The following KNL1 variants were observed in gnomAD, a reference collection of about 807,000 sequenced individuals.
KNL1 encodes kinetochore scaffold 1.
A neutral mutation model predicts 201.3 loss-of-function variants in KNL1; 66 were observed. The ratio of observed to expected loss-of-function variants is 0.33; its 90% CI spans 0.27 to 0.40. The LOEUF (loss-of-function observed/expected upper bound fraction) is 0.40, where lower values mean the gene tolerates loss of function less well. Ranked by LOEUF, KNL1 falls within the 10% of genes least tolerant of loss-of-function variation. KNL1 has a pLI of 1.00. For synonymous variants in KNL1, 895 were observed against 899.2 expected, an observed-to-expected ratio of 1.00 and a Z score of 0.08; for missense variants, 2,815 against 2,690.5, an observed-to-expected ratio of 1.05 and a Z score of -1.02.
chr15:40,643,106 AT>A (rs1342099800), intron 14 of KNL1: 11 of 152,218 alleles, frequency 7.2e-5, no homozygotes, highest in African/African-American at 2.7e-4. Context: ...TATTGAGACT[AT>A]CATAACTTTG....
chr15:40,627,947 A>C, intron 10 of KNL1, 123 bp from the exon 11 acceptor site: 1 of 667,152 alleles, frequency 1.5e-6, no homozygotes. Flanking sequence ...CTAATTCTTC[A>C]CTAAGATATT....
At chr15:40,659,894 A>ATGTGTGTG (rs776409302) in intron 25 of KNL1, among the ~76,000 whole-genome samples, 5,467 of 146,844 alleles carry the variant, frequency 0.037, 131 homozygotes, top group South Asian at 0.068. Context: ...TGAAGAATTT[A>ATGTGTGTG]TGTGTGTGTG....
At chr15:40,609,029 G>C (rs948296248) in intron 5 of KNL1, 121 bp downstream of exon 5, 3 of 643,970 alleles carry the variant, frequency 4.7e-6, no homozygotes, top group South Asian at 3.7e-5. Context: ...TTCTTCAAAG[G>C]GTTATTCAGT....
At chr15:40,618,140 TG>T (rs1176666569) in intron 8 of KNL1, among the ~76,000 whole-genome samples, 2 of 152,024 alleles carry the variant, frequency 1.3e-5, no homozygotes, top group African/African-American at 4.8e-5. Context: ...TATAGCCTTT[TG>T]AATCCCTTCC....
chr15:40,594,565 T>C (rs1475092794), intron 1 of KNL1, among the ~76,000 whole-genome samples, 173 bp downstream of exon 1: 2 of 152,144 alleles, frequency 1.3e-5, no homozygotes, highest in Non-Finnish European at 2.9e-5. Context: ...GTGCCCTTTT[T>C]CCCCTCCTCG....
chr15:40,619,092 T>C (rs1892434162), intron 9 of KNL1, 81 bp downstream of exon 9: 1 of 982,614 alleles, frequency 1.0e-6, no homozygotes, highest in Non-Finnish European at 1.6e-6. Context: ...GATAATGGCA[T>C]AGTTTAGGGA....
At chr15:40,630,844 G>A (rs1467054862) in intron 13 of KNL1, among the ~76,000 whole-genome samples, 2 of 152,170 alleles carry the variant, frequency 1.3e-5, no homozygotes, top group African/African-American at 2.4e-5. Context: ...TTCAGACTGG[G>A]CATGGTGGCT....
In KNL1 at chr15:40,621,271, T is replaced by G. The variant is rs1212821373; in HGVS notation, c.1007T>G (p.Phe336Cys). 1 of 1,614,006 alleles carries G rather than the reference T, an allele frequency of 6.2e-7. No individual in the cohort carries two copies. Among genetic ancestry groups the G allele is most frequent in the Admixed American group, 1.7e-5 (1 of 60,008 alleles). Residue 336 changes from phenylalanine to cysteine, a missense_variant, in exon 10 of 26, where the codon TTT becomes TGT. Around this residue, in one of 3 missense-constraint regions of KNL1, gnomAD observed 2,464 missense variants for 2,291.7 expected, o/e 1.08. Coordinates refer to ENST00000399668, the MANE Select transcript of KNL1 (RefSeq NM_144508.5). Reference sequence around the variant, plus strand: ...CAGATCTTACCTGCAACAGGTAATTTTTCTGAAATAGAAAATCAAACTCAG... The same window carrying G: ...CAGATCTTACCTGCAACAGGTAATTGTTCTGAAATAGAAAATCAAACTCAG... ...TLQILPATGNFSEIENQTQNA... is the reference protein window; with the variant it reads ...TLQILPATGNCSEIENQTQNA...
At position 40,623,224 on chromosome 15, in the gene KNL1, C is replaced by T. The variant is rs367568855; in HGVS notation, c.2960C>T (p.Thr987Ile). 98 of 1,613,828 alleles carry T rather than the reference C, an allele frequency of 6.1e-5. No homozygotes were observed. Among genetic ancestry groups the T allele is most frequent in the Non-Finnish European group, 7.9e-5 (93 of 1,179,894 alleles). ...LSQRKSLGTP[T>I]VICTPTEESV... ...CAAAGGAAAAGCCTAGGAACACCAACAGTGATATGTACTCCTACTGAGGAG... is the reference window on the plus strand; with the variant it reads ...CAAAGGAAAAGCCTAGGAACACCAATAGTGATATGTACTCCTACTGAGGAG... The change falls in exon 10 of 26, where the codon ACA becomes ATA. Residue 987 changes from threonine to isoleucine, a missense_variant. By Grantham distance (89) the Thr-to-Ile change is moderately conservative. Transcript: ENST00000399668.
intron 8 of KNL1, chr15:40,615,769 T>G (rs2077326340): frequency 6.6e-6 from 1 of 151,672 alleles, no homozygotes; most frequent in South Asian, 2.1e-4. Context: ...GTTCTTTTTT[T>G]TTTTTTTTCT....
At chr15:40,643,886 G>C (rs1312625484) in intron 14 of KNL1, among the ~76,000 whole-genome samples, 3 of 152,174 alleles carry the variant, frequency 2.0e-5, no homozygotes, top group African/African-American at 7.2e-5. Flanking sequence ...AAACTAGGAA[G>C]AGTTAAATTA....
rs1422653573 is a variant in KNL1 at position 40,623,218 on chromosome 15, C to T, written c.2954C>T (p.Thr985Ile). 1 of 1,613,952 alleles carries T rather than the reference C, an allele frequency of 6.2e-7. No individual in the cohort carries two copies. Among genetic ancestry groups the T allele is most frequent in the Admixed American group, 1.7e-5 (1 of 60,008 alleles). Residue 985 changes from threonine to isoleucine, a missense_variant, in exon 10 of 26, where the codon ACA becomes ATA. Thr to Ile is a moderately conservative substitution (Grantham distance 89, BLOSUM62 -1). This residue lies in a region of KNL1 where 2,464 missense variants were observed against 2,291.7 expected (regional missense o/e 1.08). Transcript: ENST00000399668. ...FELSQRKSLGTPTVICTPTEE... is the reference protein window; with the variant it reads ...FELSQRKSLGIPTVICTPTEE... ...CTATCCCAAAGGAAAAGCCTAGGAA[C>T]ACCAACAGTGATATGTACTCCTACT...
chr15:40,648,123 C>A (rs1893449952), intron 17 of KNL1, among the ~76,000 whole-genome samples: 1 of 152,150 alleles, frequency 6.6e-6, no homozygotes, highest in South Asian at 2.1e-4. Flanking sequence ...AGCTTATAAT[C>A]ATTTCAGGTG....
Position 40,620,957 on chromosome 15 carries a change from T to C in KNL1, c.693T>C (p.Pro231=). 1 of 1,606,042 alleles carries C rather than the reference T, an allele frequency of 6.2e-7. No individual in the cohort carries two copies. ...RLKTGKCSAF[P]DVPDKENFEI... ...AAACAGGAAAATGTAGTGCTTTTCC[T>C]GATGTGCCTGATAAAGAAAATTTTG... The change falls in exon 10 of 26, where the codon CCT becomes CCC. Residue 231 remains proline, a synonymous_variant. Transcript: ENST00000399668.
intron 24 of KNL1, among the ~76,000 whole-genome samples, chr15:40,658,537 AAAAAAAAAAG>A (rs1170497592): frequency 8.6e-6 from 1 of 116,086 alleles, no homozygotes; most frequent in Non-Finnish European, 1.8e-5. Context: ...CAAAAAAAAA[AAAAAAAAAAG>A]AGAGAATCTG....
chr15:40,656,185 C>A (rs1043286016), intron 22 of KNL1, among the ~76,000 whole-genome samples: 31 of 152,146 alleles, frequency 2.0e-4, no homozygotes, highest in African/African-American at 6.5e-4. Flanking sequence ...AATCCCAGCA[C>A]TTTGGGAGAC....
chr15:40,610,300 A>G lies in KNL1; in HGVS notation c.250+3A>G, dbSNP rs768577383. ...AGTGAGAAAGTCAGAAATGGAAGGT[A>G]AGTATGTTACTATAATTCCTGCTAA... On this transcript the variant is annotated splice_donor_region_variant and intron_variant, in intron 6 of 25. Transcript: ENST00000399668. 7.6e-6 allele frequency: 11 copies of G among 1,456,504 alleles called. No individual in the cohort carries two copies. The Admixed American group carries it at 8.4e-5, about 11-fold the overall frequency. The allele number at this position is 1,456,504 out of a possible 1,614,324, so 90.2% of individuals were successfully genotyped here. A position where few individuals can be genotyped will look rare whatever the true frequency, so the allele number is the denominator to read the frequency against.
Position 40,610,227 on chromosome 15 carries a change from C to A in KNL1, c.198-18C>A. 1 of 1,373,034 alleles carries A rather than the reference C, an allele frequency of 7.3e-7. No homozygotes were observed. The highest frequency in any genetic ancestry group is 1.0e-6 in the Non-Finnish European group (1 of 971,238). 85.1% of individuals were successfully genotyped at this position (1,373,034 alleles called of 1,614,324 possible). Reference sequence around the variant, plus strand: ...TTACAAATTGCAGGTTTTCAATAATCTTTATTTTCTCTTCTAGGGTATTCC... The same window carrying A: ...TTACAAATTGCAGGTTTTCAATAATATTTATTTTCTCTTCTAGGGTATTCC... On this transcript the variant is annotated intron_variant, in intron 5 of 25. Transcript: ENST00000399668.
chr15:40,599,144 T>A (rs1362113975), intron 1 of KNL1, among the ~76,000 whole-genome samples: 1 of 151,264 alleles, frequency 6.6e-6, no homozygotes, highest in African/African-American at 2.4e-5. Context: ...ACTATAGCTT[T>A]AAAAAAAGAG....
Sources: allele counts gnomAD v4.1 joint callset (sites outside exome capture counted in the v4.1 genomes callset), GRCh38; gene constraint gnomAD v4.1.1; regional missense constraint gnomAD v4.1.1; transcripts MANE v1.5; gene names NCBI Gene and HGNC (gene_info 2026-07-23, HGNC 2026-07-21).